The following ANKRD36B variants were observed in gnomAD, a reference collection of about 807,000 sequenced individuals.
The protein encoded by ANKRD36B is ankyrin repeat domain-containing protein 36B.
ANKRD36B carries 37 observed loss-of-function variants against 135.7 expected under a neutral mutation model. The ratio of observed to expected loss-of-function variants is 0.27; its 90% CI spans 0.21 to 0.36. The LOEUF (loss-of-function observed/expected upper bound fraction) is 0.36. Among genes scored for constraint, ANKRD36B ranks in the 10% least tolerant of loss-of-function variants. The probability of loss-of-function intolerance (pLI) is 1.00; values close to 1 mark genes in which losing one functional copy is unlikely to be tolerated. For synonymous variants in ANKRD36B, 179 were observed against 348.1 expected, an observed-to-expected ratio of 0.51 and a Z score of 5.41; for missense variants, 549 against 1,037.1, an observed-to-expected ratio of 0.53 and a Z score of 6.46.
rs776446511 is a variant in ANKRD36B, at chr2:97,536,301, T to C, written c.2190A>G (p.Pro730=). 1.1e-6 allele frequency: 1 copy of C among 927,840 alleles called. No individual in the cohort carries two copies. The highest frequency in any genetic ancestry group is 1.6e-6 in the Non-Finnish European group (1 of 615,998). The allele number at this position is 927,840 out of a possible 1,614,324, so 57.5% of individuals were successfully genotyped here. Residue 730 remains proline, a splice_region_variant and synonymous_variant, in exon 34 of 44, where the codon CCA becomes CCG. Transcript: ENST00000359901. ...TKMKEVQTST[P]AEQDLEMASE... Reference sequence around the variant, plus strand: ...TTAAATCTACAATGCAAAGTTTACCTGGTGTGGATGTTTGTACCTCCTTCA... The same window carrying C: ...TTAAATCTACAATGCAAAGTTTACCCGGTGTGGATGTTTGTACCTCCTTCA...
At chr2:97,548,773 T>C (rs1216505968) in intron 20 of ANKRD36B, among the ~76,000 whole-genome samples, 2 of 151,946 alleles carry the variant, frequency 1.3e-5, no homozygotes, top group Non-Finnish European at 2.9e-5. Context: ...CTCAGTGTGT[T>C]TTTATGCCAA....
At position 97,549,485 on chromosome 2, in the gene ANKRD36B, T is replaced by C. The variant is rs1236484174; in HGVS notation, c.1411A>G (p.Ser471Gly). 6.3e-7 allele frequency: 1 copy of C among 1,594,566 alleles called. No homozygotes were observed. The highest frequency in any genetic ancestry group is 8.5e-7 in the Non-Finnish European group (1 of 1,170,256). ...TTCAAAACAGAATCTTCCTTGACACTTGTAGCCTGAATGGAATTTGAAATG... is the reference window on the plus strand; with the variant it reads ...TTCAAAACAGAATCTTCCTTGACACCTGTAGCCTGAATGGAATTTGAAATG... Reference protein sequence around the residue: ...SQKPPALKATSVKEDSVLNIA... With the variant: ...SQKPPALKATGVKEDSVLNIA... Residue 471 changes from serine to glycine, a missense_variant, in exon 20 of 44, where the codon AGT (serine) becomes GGT (glycine). Ser to Gly is a moderately conservative substitution (Grantham distance 56, BLOSUM62 0). Transcript: ENST00000359901.
intron 4 of ANKRD36B, 48 bp from the exon 5 acceptor site, chr2:97,579,091 C>T (rs2082413058): frequency 6.5e-7 from 1 of 1,536,510 alleles, no homozygotes; most frequent in Non-Finnish European, 8.8e-7. Context: ...ATTTTAAAAG[C>T]TAAGTTTATA....
At chr2:97,552,878 CA>C (rs1317302003) in intron 16 of ANKRD36B, among the ~76,000 whole-genome samples, 3 of 151,908 alleles carry the variant, frequency 2.0e-5, no homozygotes, top group East Asian at 3.9e-4. Flanking sequence ...AGAATTAAAG[CA>C]AAACTATGCT....
chr2:97,589,488 G>T lies in ANKRD36B; in HGVS notation c.161+37C>A, dbSNP rs762533357. Reference sequence around the variant, plus strand: ...AAGGGGTACTTCTCCACATCCACAGGCCTCCTCCCGCAGCCCCGGCTCCCG... The same window carrying T: ...AAGGGGTACTTCTCCACATCCACAGTCCTCCTCCCGCAGCCCCGGCTCCCG... On this transcript the variant is annotated intron_variant, in intron 1 of 43. Transcript: ENST00000359901. 6 of 1,538,502 alleles carry T rather than the reference G, an allele frequency of 3.9e-6. No homozygotes were observed. The African/African-American group carries it at 8.8e-5, about 23-fold the overall frequency.
At chr2:97,563,531 G>A (rs2081206443) in intron 6 of ANKRD36B, among the ~76,000 whole-genome samples, 1 of 151,996 alleles carries the variant, frequency 6.6e-6, no homozygotes, top group Middle Eastern at 3.4e-3. Flanking sequence ...TTTGACATCT[G>A]GGAACACTCT....
intron 28 of ANKRD36B, among the ~76,000 whole-genome samples, chr2:97,541,372 G>T (rs1209101843): frequency 2.1e-5 from 2 of 95,650 alleles, no homozygotes; most frequent in African/African-American, 6.3e-5. Flanking sequence ...TCTGAAGTGA[G>T]TTCACTCAGC....
chr2:97,579,108 A>G (rs2082414740), intron 4 of ANKRD36B, 65 bp from the exon 5 acceptor site: 3 of 1,423,258 alleles, frequency 2.1e-6, no homozygotes, highest in Non-Finnish European at 2.9e-6. Context: ...TATATACTTT[A>G]TCAACTTAAC....
intron 1 of ANKRD36B, among the ~76,000 whole-genome samples, chr2:97,589,265 A>C (rs1573127153): frequency 1.5e-5 from 1 of 68,516 alleles, no homozygotes. Flanking sequence ...CATTCCATCC[A>C]CCTCAGCCCA....
rs1291774815 is a variant in ANKRD36B at position 97,589,409 on chromosome 2, C to A, written c.161+116G>T. ...CCCACCCCAGCCAGGCACCCCCTAG[C>A]CCCCGTCCATACCCCGAGCCCCGGA... On this transcript the variant is annotated intron_variant, in intron 1 of 43. Transcript: ENST00000359901. The A allele has an allele frequency of 1.4e-5, 8 of 570,636 alleles. 1 individual carries two copies. The Admixed American group carries it at 3.4e-4, about 24-fold the overall frequency. The allele number at this position is 570,636 out of a possible 1,614,324, so 35.3% of individuals were successfully genotyped here.
rs1252618196 is a variant in ANKRD36B at position 97,527,025 on chromosome 2, C to T, written c.2266-3558G>A. 7.0e-4 allele frequency among the ~76,000 whole-genome samples: 67 copies of T among 95,622 alleles called. 27 individuals carry two copies. Among genetic ancestry groups the T allele is most frequent in the Non-Finnish European group, 1.6e-3 (58 of 36,068 alleles). 62.7% of individuals were successfully genotyped at this position (95,622 alleles called of 152,430 possible). On this transcript the variant is annotated intron_variant, in intron 35 of 43. Coordinates refer to ENST00000359901, the MANE Select transcript of ANKRD36B (RefSeq NM_001393939.1). The stretch of plus-strand genomic sequence containing the variant: ...ACTTCCCCAATCTAGCAAGGCAGGC[C>T]AACATTCAGATTCAGGAAATACAGA...
At chr2:97,578,017 T>C (rs1488185205) in intron 5 of ANKRD36B, among the ~76,000 whole-genome samples, 1 of 151,962 alleles carries the variant, frequency 6.6e-6, no homozygotes, top group Non-Finnish European at 1.5e-5. Flanking sequence ...TCCTAACTAA[T>C]ATTTGCTTTA....
Position 97,532,218 on chromosome 2 carries a change from A to T in ANKRD36B, c.2265+93T>A, listed in dbSNP as rs1337446303. On this transcript the variant is annotated intron_variant, in intron 35 of 43. Transcript: ENST00000359901. ...TTATAATCAACTGATACTAAAAGGC[A>T]AATCCAAAGGTAAATTCATTTCAAA... The T allele has an allele frequency of 3.4e-5, 22 of 643,342 alleles. 2 individuals are homozygous for T. The highest frequency in any genetic ancestry group is 1.8e-4 in the African/African-American group (9 of 51,132). The allele number at this position is 643,342 out of a possible 1,614,324, so 39.9% of individuals were successfully genotyped here.
intron 35 of ANKRD36B, among the ~76,000 whole-genome samples, chr2:97,528,917 T>C (rs1160353138): frequency 1.0e-5 from 1 of 95,788 alleles, no homozygotes; most frequent in African/African-American, 3.1e-5. Flanking sequence ...AATCAATAGC[T>C]TACCAACCAA....
rs2078687607 is a variant in ANKRD36B, at chr2:97,533,111, T to C, written c.2192-727A>G. Among the ~76,000 whole-genome samples, 3 of 97,346 alleles carry C rather than the reference T, an allele frequency of 3.1e-5. 1 individual carries two copies. The allele number at this position is 97,346 out of a possible 152,430, so 63.9% of individuals were successfully genotyped here. ...GCTACTGTTTACACTTTCATCAATG[T>C]ACAGTCTCTTCTTTATATCTAAAAT... On this transcript the variant is annotated intron_variant, in intron 34 of 43. Transcript: ENST00000359901.
At position 97,549,405 on chromosome 2, in the gene ANKRD36B, G is replaced by C. The variant is rs541479055; in HGVS notation, c.1477+14C>G. 3.4e-5 allele frequency: 53 copies of C among 1,549,664 alleles called. No individual in the cohort carries two copies. The highest frequency in any genetic ancestry group is 3.0e-4 in the African/African-American group (22 of 74,206). On this transcript the variant is annotated intron_variant, in intron 20 of 43. Transcript: ENST00000359901. ...CTGGACTGAACATGACATTAAATCT[G>C]TTTTCAAAATTACCTGTCCTAGATT...
Position 97,549,344 on chromosome 2 carries a change from C to T in ANKRD36B, c.1477+75G>A, listed in dbSNP as rs771691592. 74 of 1,475,224 alleles carry T rather than the reference C, an allele frequency of 5.0e-5. 1 individual carries two copies. The highest frequency in any genetic ancestry group is 6.4e-5 in the Non-Finnish European group (70 of 1,095,184). The allele number at this position is 1,475,224 out of a possible 1,614,324, so 91.4% of individuals were successfully genotyped here. The stretch of plus-strand genomic sequence containing the variant: ...GAAAGTGCAGCTTCGACGAGCCCCC[C>T]GCTGATTTATTTGGGGAAGAGAACT... On this transcript the variant is annotated intron_variant, in intron 20 of 43. Transcript: ENST00000359901.
intron 12 of ANKRD36B, among the ~76,000 whole-genome samples, chr2:97,556,498 A>T (rs2080536282): frequency 6.6e-6 from 1 of 151,842 alleles, no homozygotes; most frequent in African/African-American, 2.4e-5. Context: ...GAAAATAGTT[A>T]CTACATCAGT....
rs576460054 is a variant in ANKRD36B at position 97,553,153 on chromosome 2, G to A, written c.1273+15C>T. 6.2e-5 allele frequency: 100 copies of A among 1,608,338 alleles called. 1 individual carries two copies. The South Asian group carries it at 1.1e-3, about 18-fold the overall frequency. ...CTGGATTGAACATGACATTGAATGT[G>A]TTTTGCAAAATTACCTGTCCCAGAT... On this transcript the variant is annotated intron_variant, in intron 16 of 43. Coordinates refer to ENST00000359901, the MANE Select transcript of ANKRD36B (RefSeq NM_001393939.1).
Sources: gnomAD v4.1 joint callset for allele counts (sites outside exome capture counted in the v4.1 genomes callset) on GRCh38, gnomAD v4.1.1 for gene constraint, MANE v1.5 for transcripts, NCBI Gene and HGNC (gene_info 2026-07-23, HGNC 2026-07-21) for gene names.